The following WDFY3 variants were observed in gnomAD, a reference collection of about 807,000 sequenced individuals.
WDFY3 encodes the protein WD repeat and FYVE domain-containing protein 3.
A neutral mutation model predicts 409.6 loss-of-function variants in WDFY3; 66 were observed. That is an observed-to-expected ratio of 0.16 (90% confidence interval 0.13 to 0.20). WDFY3 has a LOEUF of 0.20. Among genes scored for constraint, WDFY3 ranks in the 10% least tolerant of loss-of-function variants. The pLI is 1.00. For synonymous variants in WDFY3, 1,521 were observed against 1,537.1 expected, an observed-to-expected ratio of 0.99 and a Z score of 0.25; for missense variants, 3,031 against 4,298.1, an observed-to-expected ratio of 0.71 and a Z score of 8.24.
At chr4:84,801,471 C>T (rs1750551691) in intron 17 of WDFY3, among the ~76,000 whole-genome samples, 179 bp downstream of exon 17, 2 of 152,124 alleles carry the variant, frequency 1.3e-5, no homozygotes. Context: ...TAAATGATTA[C>T]TAATAACTAG....
In WDFY3 at chr4:84,670,894, T is replaced by G. The variant is rs1331404129; in HGVS notation, c.*1974A>C. On this transcript the variant is annotated 3_prime_UTR_variant, in exon 68 of 68. Transcript: ENST00000295888. ...TGGGGGAGGGAGAGTGTGGGGGGAG[T>G]AAGACACAGAAAGGAAAACAGAACA... 6.6e-6 allele frequency: 1 copy of G among 152,052 alleles called. No individual in the cohort carries two copies. The highest frequency in any genetic ancestry group is 2.4e-5 in the African/African-American group (1 of 41,286). The allele number at this position is 152,052 out of a possible 1,614,324, so 9.4% of individuals were successfully genotyped here.
At position 84,833,058 on chromosome 4, in the gene WDFY3, G is replaced by A. The variant is rs541809998; in HGVS notation, c.577-1453C>T. On this transcript the variant is annotated intron_variant, in intron 7 of 67. Transcript: ENST00000295888. ...TCTAGTTGCCAAAAACCTAAAGTCT[G>A]GCTTTCAAAGAAGACTCAAGACTTC... 2.0e-5 allele frequency among the ~76,000 whole-genome samples: 3 copies of A among 151,722 alleles called. No individual in the cohort carries two copies. The South Asian group carries it at 6.2e-4, about 32-fold the overall frequency.
chr4:84,784,472 G>A (rs963054683), intron 24 of WDFY3, among the ~76,000 whole-genome samples: 2 of 151,892 alleles, frequency 1.3e-5, no homozygotes, highest in Non-Finnish European at 2.9e-5. Flanking sequence ...AAAAAAACCT[G>A]GAGTCCTTAA....
At chr4:84,950,387 C>T (rs969391546) in intron 1 of WDFY3, among the ~76,000 whole-genome samples, 1 of 150,738 alleles carries the variant, frequency 6.6e-6, no homozygotes, top group Admixed American at 6.6e-5. Context: ...GCATGTTGTG[C>T]ACACATATCC....
chr4:84,950,576 T>C (rs1487089195), intron 1 of WDFY3, among the ~76,000 whole-genome samples: 1 of 152,032 alleles, frequency 6.6e-6, no homozygotes, highest in Non-Finnish European at 1.5e-5. Flanking sequence ...TGGATCATGA[T>C]GTTAGGAGAT....
intron 10 of WDFY3, 62 bp from the exon 11 acceptor site, chr4:84,821,613 A>G (rs1754075392): frequency 1.5e-6 from 2 of 1,367,248 alleles, no homozygotes; most frequent in East Asian, 4.6e-5. Context: ...ATGGCAAACT[A>G]GTCTGTTTAA....
chr4:84,671,816 TTTC>T lies in WDFY3; in HGVS notation c.*1049_*1051del, dbSNP rs1193087255. 1 of 151,346 alleles carries T rather than the reference TTTC, an allele frequency of 6.6e-6. No individual in the cohort carries two copies. The highest frequency in any genetic ancestry group is 1.5e-5 in the Non-Finnish European group (1 of 68,022). The allele number at this position is 151,346 out of a possible 1,614,324, so 9.4% of individuals were successfully genotyped here. ...TTTATATGTTAATTCTGTACACTTCTTTCTTTCCTTTTTTTACCCCTTGTTTGA... is the reference window on the plus strand; with the variant it reads ...TTTATATGTTAATTCTGTACACTTCTTTTCCTTTTTTTACCCCTTGTTTGA... On this transcript the variant is annotated 3_prime_UTR_variant, in exon 68 of 68. Coordinates refer to ENST00000295888, the MANE Select transcript of WDFY3 (RefSeq NM_014991.6).
At chr4:84,908,420 G>A (rs1376230068) in intron 2 of WDFY3, among the ~76,000 whole-genome samples, 2 of 152,056 alleles carry the variant, frequency 1.3e-5, no homozygotes, top group Non-Finnish European at 2.9e-5. Flanking sequence ...CAAATATTCA[G>A]AACAAATAAA....
At chr4:84,739,433 T>C (rs1738016654) in intron 39 of WDFY3, 1 of 276,952 alleles carries the variant, frequency 3.6e-6, no homozygotes, top group Admixed American at 4.8e-5. Context: ...ATTTTTCTAA[T>C]ATGCCTGTGT....
intron 32 of WDFY3, among the ~76,000 whole-genome samples, chr4:84,760,992 T>G (rs1425179564): frequency 6.6e-6 from 1 of 151,378 alleles, no homozygotes; most frequent in Admixed American, 6.6e-5. Flanking sequence ...TCCCAGAGAT[T>G]CTGGTATGTT....
At chr4:84,782,712 T>G (rs1217698154) in intron 25 of WDFY3, among the ~76,000 whole-genome samples, 1 of 152,226 alleles carries the variant, frequency 6.6e-6, no homozygotes, top group African/African-American at 2.4e-5. Context: ...AAGGACATGA[T>G]CTCATTCCTT....
At chr4:84,913,525 C>A (rs772108192) in intron 2 of WDFY3, among the ~76,000 whole-genome samples, 8 of 152,088 alleles carry the variant, frequency 5.3e-5, no homozygotes, top group Non-Finnish European at 1.0e-4. Flanking sequence ...GAGGAATTAA[C>A]AGAAGACAAC....
intron 60 of WDFY3, 110 bp from the exon 61 acceptor site, chr4:84,690,774 C>A: frequency 7.6e-7 from 1 of 1,319,778 alleles, no homozygotes; most frequent in Non-Finnish European, 1.0e-6. Context: ...CAGCAAATAG[C>A]GGCTCATGTT....
At chr4:84,793,057 G>C (rs1394466153) in intron 21 of WDFY3, among the ~76,000 whole-genome samples, 1 of 152,318 alleles carries the variant, frequency 6.6e-6, no homozygotes, top group African/African-American at 2.4e-5. Context: ...AAATATTAGG[G>C]AGGCATATTA....
At position 84,772,820 on chromosome 4, in the gene WDFY3, C is replaced by T. The variant is rs1744898040; in HGVS notation, c.4849+15G>A. The T allele has an allele frequency of 6.2e-7, 1 of 1,601,338 alleles. No homozygotes were observed. Reference sequence around the variant, plus strand: ...AGTTGACCACTATCTTCTCCAAGCTCCAGAATCAACTTACCAGTGTCAAGC... The same window carrying T: ...AGTTGACCACTATCTTCTCCAAGCTTCAGAATCAACTTACCAGTGTCAAGC... On this transcript the variant is annotated intron_variant, in intron 30 of 67. Transcript: ENST00000295888.
chr4:84,799,655 C>A (rs1051449812), intron 17 of WDFY3, among the ~76,000 whole-genome samples: 14 of 151,878 alleles, frequency 9.2e-5, no homozygotes, highest in Admixed American at 2.0e-4. Flanking sequence ...AGAGCATAAA[C>A]CCTCCATAAC....
At chr4:84,924,444 A>G (rs1769708284) in intron 2 of WDFY3, among the ~76,000 whole-genome samples, 1 of 152,236 alleles carries the variant, frequency 6.6e-6, no homozygotes, top group Non-Finnish European at 1.5e-5. Flanking sequence ...GTGTGAAGAA[A>G]GCTAACATAT....
chr4:84,887,723 CA>C (rs1201002524), intron 3 of WDFY3, among the ~76,000 whole-genome samples: 5 of 152,186 alleles, frequency 3.3e-5, no homozygotes, highest in Admixed American at 6.6e-5. Context: ...CAACAACTAG[CA>C]TTAGCTAAAA....
intron 43 of WDFY3, among the ~76,000 whole-genome samples, chr4:84,734,620 T>TA (rs375897138): frequency 8.5e-5 from 13 of 152,326 alleles, no homozygotes; most frequent in African/African-American, 3.1e-4. Flanking sequence ...TGTAGTATAG[T>TA]AAAAAATAAT....
Sources: allele counts gnomAD v4.1 joint callset (sites outside exome capture counted in the v4.1 genomes callset), GRCh38; gene constraint gnomAD v4.1.1; transcripts MANE v1.5; gene names NCBI Gene and HGNC (gene_info 2026-07-23, HGNC 2026-07-21).